Variants in TMC3 observed in about 807,000 individuals in gnomAD.
TMC3 encodes transmembrane channel-like protein 3.
Under a neutral mutation model 110.6 loss-of-function variants are expected in TMC3, and 98 were observed. The ratio of observed to expected loss-of-function variants is 0.89; its 90% confidence interval spans 0.75 to 1.05. The LOEUF is 1.05. Ranked by LOEUF, TMC3 falls within the 50% of genes least tolerant of loss-of-function variation. The probability of loss-of-function intolerance (pLI) is 0.00; values close to 1 mark genes in which losing one functional copy is unlikely to be tolerated. For missense variants in TMC3, 1,319 were observed against 1,373.2 expected, an observed-to-expected ratio of 0.96 and a Z score of 0.62; for synonymous variants, 489 against 513.1, an observed-to-expected ratio of 0.95 and a Z score of 0.63.
chr15:81,339,445 G>A lies in TMC3; in HGVS notation c.1904C>T (p.Thr635Ile). The A allele has an allele frequency of 1.2e-6, 2 of 1,611,190 alleles. No homozygotes were observed. Among genetic ancestry groups the A allele is most frequent in the Non-Finnish European group, 1.7e-6 (2 of 1,178,674 alleles). ...LFMLFLCMLP[T>I]IFAIVRYKPS... The stretch of plus-strand genomic sequence containing the variant: ...CTTGTATCGGACAATAGCAAAAATG[G>A]TTGGCAGCATGCACAGAAACAGCAT... The change falls in exon 17 of 22, where the codon ACC (threonine) becomes ATC (isoleucine). Residue 635 changes from threonine (T) to isoleucine (I), a missense_variant. Transcript: ENST00000359440.
At chr15:81,334,263 G>A (rs905461827) in intron 21 of TMC3, among the ~76,000 whole-genome samples, 4 of 152,148 alleles carry the variant, frequency 2.6e-5, no homozygotes, top group African/African-American at 4.8e-5. Context: ...TTGGGCCACC[G>A]CAGGTCTATC....
chr15:81,353,413 T>G (rs149139127), intron 9 of TMC3, among the ~76,000 whole-genome samples: 62 of 152,364 alleles, frequency 4.1e-4, no homozygotes, highest in African/African-American at 1.4e-3. Flanking sequence ...GGCCTTCACA[T>G]TCACTAATCA....
At chr15:81,335,683 A>G (rs1893577750) in intron 20 of TMC3, 1 of 152,438 alleles carries the variant, frequency 6.6e-6, no homozygotes, top group African/African-American at 2.4e-5. Context: ...CTAGCCCCTA[A>G]AGCCCTTCTG....
rs141890315 is a variant in TMC3, at chr15:81,335,763, T to A, written c.2204-788A>T. On this transcript the variant is annotated intron_variant, in intron 20 of 21. Coordinates refer to ENST00000359440, the MANE Select transcript of TMC3 (RefSeq NM_001080532.3). ...CAGTGAGCCTTCTAGCTCACAGCAC[T>A]CTGTTAGTGGTCCTGAGAAACAGAT... 1,144 of 152,376 alleles carry A rather than the reference T, an allele frequency of 7.5e-3. 24 individuals are homozygous for A. The highest frequency in any genetic ancestry group is 0.026 in the African/African-American group (1,080 of 41,560). 9.4% of individuals were successfully genotyped at this position (152,376 alleles called of 1,614,324 possible).
intron 2 of TMC3, among the ~76,000 whole-genome samples, chr15:81,369,145 C>A (rs764760400): frequency 9.2e-5 from 14 of 151,952 alleles, no homozygotes; most frequent in Non-Finnish European, 1.9e-4. Flanking sequence ...CTGAATTAGC[C>A]ATTTTGCTAG....
intron 12 of TMC3, among the ~76,000 whole-genome samples, chr15:81,346,041 G>A (rs768122743): frequency 9.9e-5 from 15 of 152,120 alleles, no homozygotes; most frequent in Admixed American, 1.3e-4. Context: ...TCCTGTGATC[G>A]TTTGCAATAG....
intron 10 of TMC3, among the ~76,000 whole-genome samples, chr15:81,350,822 T>G (rs1369345726): frequency 1.3e-5 from 2 of 152,214 alleles, no homozygotes; most frequent in Non-Finnish European, 2.9e-5. Flanking sequence ...AAATGAATAT[T>G]TAGAATTCCA....
intron 3 of TMC3, among the ~76,000 whole-genome samples, chr15:81,365,255 A>AAG: frequency 6.6e-6 from 1 of 152,298 alleles, no homozygotes; most frequent in South Asian, 2.1e-4. Context: ...GGAGGGGAAA[A>AAG]TGAGACAGTT....
chr15:81,342,183 G>T (rs759666701), intron 15 of TMC3, among the ~76,000 whole-genome samples: 5 of 152,182 alleles, frequency 3.3e-5, no homozygotes, highest in Non-Finnish European at 7.3e-5. Context: ...GCAGCTAGGC[G>T]ACAAAACCCA....
rs1207099695 is a variant in TMC3 at position 81,344,063 on chromosome 15, C to T, written c.1519-18G>A. The stretch of plus-strand genomic sequence containing the variant: ...AGCATCTCCTGAAACACAGGGCGTC[C>T]CTGGATGCCACCATGCCCCACCCTT... On this transcript the variant is annotated intron_variant, in intron 13 of 21. Transcript: ENST00000359440. 1 of 1,600,310 alleles carries T rather than the reference C, an allele frequency of 6.2e-7. No individual in the cohort carries two copies. The highest frequency in any genetic ancestry group is 2.2e-5 in the East Asian group (1 of 44,566).
Position 81,338,698 on chromosome 15 carries a change from T to G in TMC3, c.2038A>C (p.Ile680Leu), listed in dbSNP as rs767617875. ...GGCAGGATGACCACGGGGCTACTGA[T>G]GTGTCCAACCACGGAGCCAAACCAC... is the stretch of plus-strand genomic sequence containing the variant. Reference protein sequence around the residue: ...PVWFGSVVGHISSPVVILPAV... With the variant: ...PVWFGSVVGHLSSPVVILPAV... The change falls in exon 18 of 22, where the codon ATC becomes CTC. Residue 680 changes from isoleucine (I) to leucine (L), a missense_variant. Ile to Leu is a conservative substitution (Grantham distance 5). Coordinates refer to ENST00000359440, the MANE Select transcript of TMC3 (RefSeq NM_001080532.3). The G allele has an allele frequency of 2.5e-6, 4 of 1,614,044 alleles. No homozygotes were observed. The highest frequency in any genetic ancestry group is 1.1e-5 in the South Asian group (1 of 91,084).
intron 16 of TMC3, 57 bp downstream of exon 16, chr15:81,341,333 T>C: frequency 6.6e-7 from 1 of 1,509,850 alleles, no homozygotes; most frequent in Non-Finnish European, 8.9e-7. Flanking sequence ...AAGGCAGGCA[T>C]GGATTATATA....
chr15:81,332,565 G>T lies in TMC3; in HGVS notation c.3157C>A (p.Gln1053Lys), dbSNP rs1567059249. Reference protein sequence around the residue: ...SVSAASSSDQQNSSADQYLQV... With the variant: ...SVSAASSSDQKNSSADQYLQV... ...AGGTACTGGTCAGCGCTGCTGTTCT[G>T]CTGGTCACTGCTGGATGCTGCCGAC... Residue 1053 changes from glutamine to lysine, a missense_variant, in exon 22 of 22, where the codon CAG (glutamine) becomes AAG (lysine). Transcript: ENST00000359440. The T allele has an allele frequency of 1.2e-6, 2 of 1,613,992 alleles. No individual in the cohort carries two copies. The highest frequency in any genetic ancestry group is 2.2e-5 in the South Asian group (2 of 91,076).
intron 7 of TMC3, 107 bp from the exon 8 acceptor site, chr15:81,356,701 G>A (rs1894071610): frequency 4.7e-6 from 6 of 1,270,236 alleles, no homozygotes; most frequent in Admixed American, 5.0e-5. Flanking sequence ...ACCCCTCTGG[G>A]TGGACGCAGC....
intron 16 of TMC3, among the ~76,000 whole-genome samples, chr15:81,340,614 T>C (rs1358289736): frequency 3.3e-5 from 5 of 152,224 alleles, no homozygotes; most frequent in Admixed American, 6.5e-5. Context: ...GAATAAGTGT[T>C]GGCAAGGTTA....
At position 81,344,786 on chromosome 15, in the gene TMC3, A is replaced by G. The variant is rs1450904192; in HGVS notation, c.1498T>C (p.Trp500Arg). Reference sequence around the variant, plus strand: ...ACCACCTGACCAACGTATGTCTCCCAGCACTGGTCTTGTGGACTCTGAGTG... The same window carrying G: ...ACCACCTGACCAACGTATGTCTCCCGGCACTGGTCTTGTGGACTCTGAGTG... ...LHTQSPQDQC[W>R]ETYVGQEMLK... The change falls in exon 13 of 22, where the codon TGG (tryptophan) becomes CGG (arginine). Residue 500 changes from tryptophan to arginine, a missense_variant. By Grantham distance (101) the Trp-to-Arg change is moderately radical. Coordinates refer to ENST00000359440, the MANE Select transcript of TMC3 (RefSeq NM_001080532.3). 2.5e-6 allele frequency: 4 copies of G among 1,613,830 alleles called. No individual in the cohort carries two copies.
intron 18 of TMC3, among the ~76,000 whole-genome samples, chr15:81,338,176 T>G (rs1279565722): frequency 6.6e-6 from 1 of 152,170 alleles, no homozygotes; most frequent in Non-Finnish European, 1.5e-5. Flanking sequence ...GCACTGGTGA[T>G]AGCAATAAGG....
intron 3 of TMC3, among the ~76,000 whole-genome samples, 165 bp downstream of exon 3, chr15:81,368,088 C>T (rs796382563): frequency 1.3e-5 from 2 of 152,242 alleles, no homozygotes; most frequent in East Asian, 3.9e-4. Context: ...GCGCCTGCCA[C>T]CACGCCCGGC....
In TMC3 at chr15:81,338,688, G is replaced by A; in HGVS notation, c.2048C>T (p.Pro683Leu). ...FGSVVGHISS[P>L]VVILPAVLLL... ...GAGTACTGCGGGCAGGATGACCACG[G>A]GGCTACTGATGTGTCCAACCACGGA... Residue 683 changes from proline (P) to leucine (L), a missense_variant, in exon 18 of 22, where the codon CCC (proline) becomes CTC (leucine). Transcript: ENST00000359440. 2 of 1,613,976 alleles carry A rather than the reference G, an allele frequency of 1.2e-6. No individual in the cohort carries two copies. The highest frequency in any genetic ancestry group is 1.7e-6 in the Non-Finnish European group (2 of 1,179,868).
Sources: allele counts gnomAD v4.1 joint callset (sites outside exome capture counted in the v4.1 genomes callset), GRCh38; gene constraint gnomAD v4.1.1; transcripts MANE v1.5; gene names NCBI Gene and HGNC (gene_info 2026-07-23, HGNC 2026-07-21).